Variants in PARD3B observed in about 807,000 individuals in gnomAD.
PARD3B encodes the protein partitioning defective 3 homolog B.
Under a neutral mutation model 130.2 loss-of-function variants are expected in PARD3B, and 103 were observed. The observed-to-expected ratio is 0.79, with a 90% CI of 0.67 to 0.93. PARD3B has a LOEUF of 0.93. Ranked by LOEUF, PARD3B falls within the 40% of genes least tolerant of loss-of-function variation. PARD3B has a pLI of 0.00. For missense variants in PARD3B, 1,609 were observed against 1,499.2 expected (o/e 1.07, Z -1.21); for synonymous variants, 583 against 553.2 (o/e 1.05, Z -0.76).
intron 4 of PARD3B, among the ~76,000 whole-genome samples, chr2:205,071,054 T>C (rs1351121359): frequency 6.6e-6 from 1 of 152,156 alleles, no homozygotes; most frequent in African/African-American, 2.4e-5. Context: ...AAAGTAAATT[T>C]GTTTCTTGGA....
chr2:205,070,690 A>G (rs1700671793), intron 4 of PARD3B, among the ~76,000 whole-genome samples: 1 of 152,210 alleles, frequency 6.6e-6, no homozygotes, highest in African/African-American at 2.4e-5. Context: ...TTAGTAACCT[A>G]AATTTGATTA....
intron 11 of PARD3B, among the ~76,000 whole-genome samples, chr2:205,168,320 A>AGAGAGAGAGAGAGAGAGAGTGTGT (rs371904121): frequency 4.2e-5 from 5 of 119,768 alleles, no homozygotes; most frequent in African/African-American, 1.0e-4. Flanking sequence ...AGAGAGAGAG[A>AGAGAGAGAGAGAGAGAGAGTGTGT]GTGTGTGTGT....
At chr2:205,497,015 T>G (rs2049952270) in intron 20 of PARD3B, among the ~76,000 whole-genome samples, 1 of 152,074 alleles carries the variant, frequency 6.6e-6, no homozygotes. Context: ...CATCTCGTAT[T>G]ACTCAAGAGC....
intron 18 of PARD3B, among the ~76,000 whole-genome samples, chr2:205,394,979 T>C (rs1251882902): frequency 6.6e-6 from 1 of 152,120 alleles, no homozygotes; most frequent in African/African-American, 2.4e-5. Flanking sequence ...CACTGAAAAA[T>C]AGCTAAAATG....
rs112991560 is a variant in PARD3B at position 204,819,924 on chromosome 2, G to A, written c.222+133642G>A. Among the ~76,000 whole-genome samples the A allele has an allele frequency of 2.2e-4, 33 of 152,208 alleles. 2 individuals are homozygous for A. The highest frequency in any genetic ancestry group is 7.2e-4 in the African/African-American group (30 of 41,550). ...AAGAAAAGTTGGAAGCTAGCAGAGG[G>A]TTGGTTCATAGAGTTTAAGGAAAGA... On this transcript the variant is annotated intron_variant, in intron 2 of 22. Coordinates refer to ENST00000406610, the MANE Select transcript of PARD3B (RefSeq NM_001302769.2).
intron 3 of PARD3B, among the ~76,000 whole-genome samples, chr2:204,976,829 C>T (rs186066709): frequency 3.9e-4 from 60 of 151,922 alleles, no homozygotes; most frequent in African/African-American, 1.3e-3. Flanking sequence ...AGGCTGGTCT[C>T]GAACTCCTGA....
At chr2:205,050,428 AAT>A (rs1455544087) in intron 4 of PARD3B, among the ~76,000 whole-genome samples, 1 of 151,636 alleles carries the variant, frequency 6.6e-6, no homozygotes, top group Non-Finnish European at 1.5e-5. Flanking sequence ...TATAACTGTT[AAT>A]ATATCCTTGC....
Position 205,158,587 on chromosome 2 carries a change from G to T in PARD3B, c.1435-135G>T. ...GGAGAGCTAAACCCAGCCTTTGCCT[G>T]CCAGGAGCCGATTACAGCTGTGAGA... On this transcript the variant is annotated intron_variant, in intron 10 of 22. Coordinates refer to ENST00000406610, the MANE Select transcript of PARD3B (RefSeq NM_001302769.2). This position sits in a 1 kb window ranked among gnomAD's most constrained non-coding sequence, Gnocchi z 5.4. The T allele has an allele frequency of 1.1e-6, 1 of 886,384 alleles. No individual in the cohort carries two copies. 54.9% of individuals were successfully genotyped at this position (886,384 alleles called of 1,614,324 possible).
intron 22 of PARD3B, among the ~76,000 whole-genome samples, chr2:205,574,385 A>G (rs1285223436): frequency 6.6e-6 from 1 of 152,206 alleles, no homozygotes; most frequent in Non-Finnish European, 1.5e-5. Context: ...TTCCAGGTAG[A>G]TGGCCATGAA....
At chr2:205,052,438 T>TATATATATATAA (rs777141262) in intron 4 of PARD3B, among the ~76,000 whole-genome samples, 1 of 55,348 alleles carries the variant, frequency 1.8e-5, no homozygotes, top group Non-Finnish European at 3.7e-5. Context: ...TATATATATA[T>TATATATATATAA]ATATATATAT....
rs146199052 is a variant in PARD3B, at chr2:204,805,195, G to C, written c.222+118913G>C. On this transcript the variant is annotated intron_variant, in intron 2 of 22. Transcript: ENST00000406610. ...GACAAATCTTTTGCCTAAAAGAGAA[G>C]ACCTAAACAAATAAAGTCAGAGATG... Among the ~76,000 whole-genome samples the C allele has an allele frequency of 2.0e-5, 3 of 152,042 alleles. No individual in the cohort carries two copies. In the East Asian group the frequency reaches 5.8e-4, roughly 29 times the overall value.
At chr2:205,533,952 A>G (rs2051720388) in intron 21 of PARD3B, among the ~76,000 whole-genome samples, 1 of 151,758 alleles carries the variant, frequency 6.6e-6, no homozygotes, top group African/African-American at 2.4e-5. Context: ...CCTCTAATAG[A>G]GTCTAGTAAA....
rs1307939373 is a variant in PARD3B, at chr2:204,887,040, AT to A, written c.223-78105del. ...TTTTATGCAGAAAACCCTTTGAGGC[AT>A]TTTTTTAAATCAGTTTTTTTTAATC... On this transcript the variant is annotated intron_variant, in intron 2 of 22. Transcript: ENST00000406610. This position sits in a 1 kb window ranked among gnomAD's most constrained non-coding sequence, Gnocchi z 4.2. Among the ~76,000 whole-genome samples, 10 of 152,162 alleles carry A rather than the reference AT, an allele frequency of 6.6e-5. No individual in the cohort carries two copies. In the South Asian group the frequency reaches 2.1e-3, roughly 32 times the overall value.
At chr2:204,771,671 A>G (rs1251471500) in intron 2 of PARD3B, among the ~76,000 whole-genome samples, 5 of 152,118 alleles carry the variant, frequency 3.3e-5, no homozygotes, top group African/African-American at 1.2e-4. Context: ...ATCTAAAATA[A>G]AAATTAAAAT....
At chr2:204,752,742 T>G (rs2040513601) in intron 2 of PARD3B, among the ~76,000 whole-genome samples, 1 of 152,142 alleles carries the variant, frequency 6.6e-6, no homozygotes, top group Admixed American at 6.6e-5. Context: ...GGGGTATAAT[T>G]TATATTAAAT....
At chr2:205,387,429 C>T (rs1676632373) in intron 18 of PARD3B, among the ~76,000 whole-genome samples, 1 of 152,038 alleles carries the variant, frequency 6.6e-6, no homozygotes, top group Admixed American at 6.6e-5. Flanking sequence ...TCAAATATTA[C>T]TTTTATAGAA....
Position 204,774,340 on chromosome 2 carries a change from T to G in PARD3B, c.222+88058T>G, listed in dbSNP as rs1335292958. Among the ~76,000 whole-genome samples the G allele has an allele frequency of 2.6e-5, 4 of 152,134 alleles. 1 individual carries two copies. Among genetic ancestry groups the G allele is most frequent in the African/African-American group, 9.6e-5 (4 of 41,528 alleles). On this transcript the variant is annotated intron_variant, in intron 2 of 22. Transcript: ENST00000406610. ...GTCCTCAGAATTCTCAGGACCTAAT[T>G]TTTGCATATAATAGTCCATGTAATT... is the stretch of plus-strand genomic sequence containing the variant.
chr2:205,455,583 C>A (rs1274554413), intron 20 of PARD3B, among the ~76,000 whole-genome samples: 3 of 151,536 alleles, frequency 2.0e-5, no homozygotes, highest in Non-Finnish European at 2.9e-5. Context: ...TATCAAATAA[C>A]TTCATATATT....
chr2:205,300,811 C>T lies in PARD3B; in HGVS notation c.2392+75C>T, dbSNP rs189378237. 3.1e-3 allele frequency: 4,191 copies of T among 1,361,072 alleles called. 14 individuals carry two copies. The highest frequency in any genetic ancestry group is 3.9e-3 in the Non-Finnish European group (3,855 of 986,338). The allele number at this position is 1,361,072 out of a possible 1,614,324, so 84.3% of individuals were successfully genotyped here. A position where few individuals can be genotyped will look rare whatever the true frequency, so the allele number is the denominator to read the frequency against. ...CAAATCATGGGCAAGAATGTGTGCT[C>T]AACTACAGAAAAAAATGATTTAAGG... On this transcript the variant is annotated intron_variant, in intron 17 of 22. Transcript: ENST00000406610. The surrounding 1 kb of genome is among the most constrained non-coding windows in gnomAD (Gnocchi z 4.1).
Sources: gnomAD v4.1 joint callset for allele counts (sites outside exome capture counted in the v4.1 genomes callset) on GRCh38, gnomAD v4.1.1 for gene constraint, Gnocchi (gnomAD v3.1) non-coding constraint, MANE v1.5 for transcripts, NCBI Gene and HGNC (gene_info 2026-07-23, HGNC 2026-07-21) for gene names.